OR2L13: variants seen among roughly 807,000 people sequenced by gnomAD.
OR2L13 encodes olfactory receptor family 2 subfamily L member 13, also known as olfactory receptor 2L13.
A neutral mutation model predicts 15.3 loss-of-function variants in OR2L13; 14 were observed. That is an observed-to-expected ratio of 0.91 (90% CI 0.60 to 1.43). The LOEUF (loss-of-function observed/expected upper bound fraction) is 1.43, where lower values mean the gene tolerates loss of function less well. OR2L13 is among the 40% of genes most tolerant of loss of function. The probability of loss-of-function intolerance (pLI) is 0.00; values close to 1 mark genes in which losing one functional copy is unlikely to be tolerated. For missense variants in OR2L13, 367 were observed against 387.9 expected (o/e 0.95, Z 0.45); for synonymous variants, 152 against 142.9 (o/e 1.06, Z -0.45).
chr1:247,967,521 G>T, the OR2L13 span, among the ~76,000 whole-genome samples: 1 of 152,018 alleles, frequency 6.6e-6, no homozygotes, highest in Non-Finnish European at 1.5e-5. Context: ...GAGCCACTGC[G>T]CCCAGCCTCA....
At chr1:247,945,056 G>GT in the OR2L13 span, among the ~76,000 whole-genome samples, 1 of 151,678 alleles carries the variant, frequency 6.6e-6, no homozygotes, top group African/African-American at 2.4e-5. Flanking sequence ...TAGCTCTGGG[G>GT]TTTGTTTGCT....
chr1:248,066,808 A>G, the OR2L13 span, among the ~76,000 whole-genome samples: 5 of 152,212 alleles, frequency 3.3e-5, no homozygotes, highest in Non-Finnish European at 7.3e-5. Context: ...TCCTCTATGC[A>G]TTCTATAATT....
the OR2L13 span, among the ~76,000 whole-genome samples, chr1:247,982,051 G>A: frequency 1.2e-4 from 18 of 152,232 alleles, no homozygotes; most frequent in East Asian, 1.4e-3. Context: ...TCCTGACCTC[G>A]TGATCCATCC....
the OR2L13 span, among the ~76,000 whole-genome samples, chr1:248,067,203 A>G: frequency 6.6e-6 from 1 of 152,222 alleles, no homozygotes. Context: ...TTACCAGCAT[A>G]AAGTGTATTG....
the OR2L13 span, among the ~76,000 whole-genome samples, chr1:247,994,169 G>A: frequency 6.6e-6 from 1 of 152,102 alleles, no homozygotes; most frequent in Non-Finnish European, 1.5e-5. Context: ...GGCCGAGGCG[G>A]GCGGATCACA....
At chr1:248,011,435 G>A in the OR2L13 span, among the ~76,000 whole-genome samples, 1 of 152,042 alleles carries the variant, frequency 6.6e-6, no homozygotes, top group South Asian at 2.1e-4. Flanking sequence ...TTGTAGGGTT[G>A]CTCTTCTCGA....
the OR2L13 span, among the ~76,000 whole-genome samples, chr1:248,019,676 G>GTTTATAGGAGAGTCTA: frequency 6.6e-6 from 1 of 152,076 alleles, no homozygotes; most frequent in African/African-American, 2.4e-5. Flanking sequence ...ATATATTGCT[G>GTTTATAGGAGAGTCTA]TTTATAGGAG....
At chr1:248,039,349 A>G in the OR2L13 span, 1 of 578,310 alleles carries the variant, frequency 1.7e-6, no homozygotes, top group Non-Finnish European at 2.8e-6. Context: ...TAGTCTTGAC[A>G]ATATTATAAT....
At chr1:248,018,167 A>AAAAC in the OR2L13 span, among the ~76,000 whole-genome samples, 2 of 150,968 alleles carry the variant, frequency 1.3e-5, no homozygotes, top group African/African-American at 5.0e-5. Context: ...AAATAAAAAA[A>AAAAC]AAAATTCGTT....
the OR2L13 span, among the ~76,000 whole-genome samples, chr1:248,008,267 G>T: frequency 3.7e-3 from 563 of 152,176 alleles, 6 homozygotes; most frequent in African/African-American, 0.013. Flanking sequence ...GACACCCCTA[G>T]AATTAATGGC....
chr1:248,072,030 A>T, the OR2L13 span, among the ~76,000 whole-genome samples: 3 of 151,558 alleles, frequency 2.0e-5, no homozygotes, highest in African/African-American at 7.3e-5. Flanking sequence ...AAGAATCAAT[A>T]TCGTGAAAAT....
chr1:247,954,947 T>TAA, the OR2L13 span, among the ~76,000 whole-genome samples: 3 of 50,784 alleles, frequency 5.9e-5, no homozygotes, highest in Non-Finnish European at 3.0e-4. Flanking sequence ...ATTCATTCAA[T>TAA]ATATATATAT....
At chr1:248,072,381 G>T in the OR2L13 span, among the ~76,000 whole-genome samples, 1 of 152,206 alleles carries the variant, frequency 6.6e-6, no homozygotes, top group Non-Finnish European at 1.5e-5. Flanking sequence ...ATGGGGAAAG[G>T]ATTCCCTATT....
At chr1:248,083,584 G>A in the OR2L13 span, 1 of 1,146,322 alleles carries the variant, frequency 8.7e-7, no homozygotes, top group South Asian at 1.4e-5. Context: ...GAATTACAAT[G>A]TGTTAAAATG....
At chr1:248,016,270 G>A in the OR2L13 span, among the ~76,000 whole-genome samples, 84 of 152,114 alleles carry the variant, frequency 5.5e-4, no homozygotes, top group Non-Finnish European at 3.5e-4. Context: ...TGCTGAATAT[G>A]TACATCCTCA....
At chr1:248,014,398 T>C in the OR2L13 span, among the ~76,000 whole-genome samples, 56 of 152,284 alleles carry the variant, frequency 3.7e-4, 1 homozygote, top group East Asian at 3.1e-3. Context: ...AGCTATGCTA[T>C]GGGTATCCAA....
the OR2L13 span, among the ~76,000 whole-genome samples, chr1:248,010,666 T>C: frequency 6.6e-6 from 1 of 152,146 alleles, no homozygotes; most frequent in Admixed American, 6.5e-5. Flanking sequence ...ATTGATCCCT[T>C]TACCACTATG....
the OR2L13 span, chr1:248,041,621 G>A: frequency 2.6e-5 from 4 of 152,110 alleles, no homozygotes; most frequent in East Asian, 5.8e-4. Flanking sequence ...CTGACAAAGG[G>A]CTAATATCCA....
At chr1:247,991,948 T>C in the OR2L13 span, among the ~76,000 whole-genome samples, 1 of 149,502 alleles carries the variant, frequency 6.7e-6, no homozygotes, top group African/African-American at 2.5e-5. Context: ...AATGAGCAAA[T>C]GAGAAAAGCC....
Sources: allele counts gnomAD v4.1 joint callset (sites outside exome capture counted in the v4.1 genomes callset), GRCh38; gene constraint gnomAD v4.1.1; transcripts MANE v1.5; gene names NCBI Gene and HGNC (gene_info 2026-07-23, HGNC 2026-07-21).